The following RALGAPA2 variants were observed in gnomAD, a reference collection of about 807,000 sequenced individuals.
RALGAPA2 encodes the protein Ral GTPase activating protein catalytic subunit alpha 2, also known as ral GTPase-activating protein subunit alpha-2.
In RALGAPA2, 139 loss-of-function variants were observed where a neutral mutation model predicts 230.4. That is an observed-to-expected ratio of 0.60 (90% CI 0.53 to 0.69). RALGAPA2 has a LOEUF of 0.69. RALGAPA2 is among the 30% of genes least tolerant of loss of function. The pLI is 0.00. For synonymous variants in RALGAPA2, 847 were observed against 837.8 expected, an observed-to-expected ratio of 1.01 and a Z score of -0.19; for missense variants, 2,163 against 2,276.0, an observed-to-expected ratio of 0.95 and a Z score of 1.01.
intron 37 of RALGAPA2, chr20:20,472,530 A>G (rs2061562095): frequency 1.0e-5 from 2 of 196,706 alleles, no homozygotes; most frequent in Non-Finnish European, 2.1e-5. Flanking sequence ...GATGAGACTG[A>G]ACGTGGGGCA....
chr20:20,446,498 G>C (rs576616133), intron 37 of RALGAPA2, among the ~76,000 whole-genome samples: 5 of 152,208 alleles, frequency 3.3e-5, no homozygotes, highest in Admixed American at 6.5e-5. Context: ...ACAAGGAGGA[G>C]AGGAGAATGA....
chr20:20,473,209 T>A (rs774577294), intron 36 of RALGAPA2, among the ~76,000 whole-genome samples: 21 of 152,218 alleles, frequency 1.4e-4, no homozygotes, highest in Non-Finnish European at 2.8e-4. Context: ...CTTCGTTTTT[T>A]CTCTTCTGTT....
At chr20:20,498,251 T>C (rs1460758597) in intron 35 of RALGAPA2, among the ~76,000 whole-genome samples, 1 of 152,170 alleles carries the variant, frequency 6.6e-6, no homozygotes, top group African/African-American at 2.4e-5. Context: ...TGAGTCTCCT[T>C]CTGGAATGGA....
Position 20,620,522 on chromosome 20 carries a change from T to C in RALGAPA2, c.1342A>G (p.Lys448Glu), listed in dbSNP as rs1004230154. 3.0e-5 allele frequency: 48 copies of C among 1,613,856 alleles called. 1 individual carries two copies. Among genetic ancestry groups the C allele is most frequent in the Non-Finnish European group, 8.5e-7 (1 of 1,179,844 alleles). Reference protein sequence around the residue: ...KPVFMEEPDRKDVAQEDAEKL... With the variant: ...KPVFMEEPDREDVAQEDAEKL... ...TCAGCATCTTCTTGGGCAACATCTT[T>C]TCTATCTGGCTCCTCCATGAACACA... The change falls in exon 11 of 40, where the codon AAA becomes GAA. Residue 448 changes from lysine to glutamate, a missense_variant. Lys to Glu is a moderately conservative substitution (Grantham distance 56). Transcript: ENST00000202677.
chr20:20,659,888 C>T (rs1307285428), intron 3 of RALGAPA2: 17 of 464,100 alleles, frequency 3.7e-5, no homozygotes, highest in Non-Finnish European at 7.0e-5. Context: ...TACAACTACA[C>T]TTTCTGGTAT....
chr20:20,483,231 G>A (rs2061824392), intron 36 of RALGAPA2, among the ~76,000 whole-genome samples: 1 of 152,192 alleles, frequency 6.6e-6, no homozygotes, highest in Non-Finnish European at 1.5e-5. Context: ...ATCAAAGAAT[G>A]ATGGAAAGAA....
At chr20:20,540,383 T>C (rs1484526333) in intron 24 of RALGAPA2, among the ~76,000 whole-genome samples, 2 of 152,198 alleles carry the variant, frequency 1.3e-5, no homozygotes, top group African/African-American at 2.4e-5. Context: ...CTATCATACC[T>C]CAGGCAGATA....
At chr20:20,428,793 A>G (rs964663501) in intron 37 of RALGAPA2, among the ~76,000 whole-genome samples, 3 of 121,944 alleles carry the variant, frequency 2.5e-5, no homozygotes, top group African/African-American at 9.4e-5. Context: ...TCTACTCACC[A>G]ACCCTTCCAT....
intron 28 of RALGAPA2, 69 bp from the exon 29 acceptor site, chr20:20,524,967 T>C: frequency 3.5e-6 from 5 of 1,410,858 alleles, no homozygotes; most frequent in Non-Finnish European, 4.8e-6. Context: ...ATGTTAGGAG[T>C]CCCACGATGG....
chr20:20,590,974 A>G (rs1369312094), intron 17 of RALGAPA2, among the ~76,000 whole-genome samples: 1 of 152,198 alleles, frequency 6.6e-6, no homozygotes, highest in African/African-American at 2.4e-5. Flanking sequence ...CTACATATAG[A>G]TATATAAAAA....
At chr20:20,594,607 C>G (rs907444130) in intron 16 of RALGAPA2, among the ~76,000 whole-genome samples, 3 of 152,144 alleles carry the variant, frequency 2.0e-5, no homozygotes, top group Admixed American at 2.0e-4. Context: ...ATCTTAGATT[C>G]ACCAAATAAT....
chr20:20,405,462 A>G (rs1010522997), intron 38 of RALGAPA2, among the ~76,000 whole-genome samples: 13 of 152,310 alleles, frequency 8.5e-5, no homozygotes, highest in Non-Finnish European at 1.6e-4. Flanking sequence ...GGCAACAAGG[A>G]CCACGTCAGA....
intron 33 of RALGAPA2, among the ~76,000 whole-genome samples, chr20:20,510,739 T>A (rs2062680438): frequency 6.6e-6 from 1 of 152,192 alleles, no homozygotes; most frequent in African/African-American, 2.4e-5. Flanking sequence ...GGGGTGGATC[T>A]GAGTCTGGCC....
At chr20:20,590,102 A>G (rs956999063) in intron 17 of RALGAPA2, among the ~76,000 whole-genome samples, 1 of 151,970 alleles carries the variant, frequency 6.6e-6, no homozygotes, top group Admixed American at 6.6e-5. Flanking sequence ...TGTATCACAT[A>G]CTTTTTTGTG....
At chr20:20,399,266 G>GA (rs966442653) in intron 38 of RALGAPA2, among the ~76,000 whole-genome samples, 5 of 147,642 alleles carry the variant, frequency 3.4e-5, no homozygotes, top group Non-Finnish European at 7.4e-5. Flanking sequence ...AGAATCGCTT[G>GA]AACTGGGGAG....
chr20:20,650,037 T>C (rs1185384299), intron 4 of RALGAPA2, among the ~76,000 whole-genome samples: 1 of 152,208 alleles, frequency 6.6e-6, no homozygotes, highest in Non-Finnish European at 1.5e-5. Context: ...TAGTGTACAA[T>C]GCAGAGCTCA....
intron 1 of RALGAPA2, 59 bp from the exon 2 acceptor site, chr20:20,680,860 A>G: frequency 6.6e-7 from 1 of 1,508,452 alleles, no homozygotes; most frequent in East Asian, 2.4e-5. Flanking sequence ...AAGAATTTAG[A>G]AACAAACTTC....
rs1372011706 is a variant in RALGAPA2, at chr20:20,455,256, G to T, written c.5495+17573C>A. Among the ~76,000 whole-genome samples the T allele has an allele frequency of 2.6e-5, 4 of 152,238 alleles. No homozygotes were observed. The East Asian group carries it at 7.7e-4, about 29-fold the overall frequency. On this transcript the variant is annotated intron_variant, in intron 37 of 39. Transcript: ENST00000202677. ...AGCTATCGATCGCTGCCTGCAGAAG[G>T]GTCTCGCTGTGCGAAAGGAAGGTGA...
At position 20,503,603 on chromosome 20, in the gene RALGAPA2, C is replaced by T. The variant is rs570063731; in HGVS notation, c.5053-97G>A. 181 of 1,007,948 alleles carry T rather than the reference C, an allele frequency of 1.8e-4. 1 individual carries two copies. The South Asian group carries it at 3.6e-3, about 20-fold the overall frequency. The allele number at this position is 1,007,948 out of a possible 1,614,324, so 62.4% of individuals were successfully genotyped here. ...ATTCAGAAAAAAAATAAATTATTTT[C>T]GTTTTTATATCTTTCTTTCTGATTA... is the stretch of plus-strand genomic sequence containing the variant. On this transcript the variant is annotated intron_variant, in intron 34 of 39. Coordinates refer to ENST00000202677, the MANE Select transcript of RALGAPA2 (RefSeq NM_020343.4).
Sources: allele counts gnomAD v4.1 joint callset (sites outside exome capture counted in the v4.1 genomes callset), GRCh38; gene constraint gnomAD v4.1.1; transcripts MANE v1.5; gene names NCBI Gene and HGNC (gene_info 2026-07-23, HGNC 2026-07-21).